The following CSMD1 variants were observed in gnomAD, a reference collection of about 807,000 sequenced individuals.
CSMD1 encodes the protein CUB and Sushi multiple domains 1, also known as CUB and sushi domain-containing protein 1.
CSMD1 carries 213 observed loss-of-function variants against 417.5 expected under a neutral mutation model. The observed-to-expected ratio is 0.51, with a 90% CI of 0.46 to 0.57. The LOEUF is 0.57. CSMD1 is among the 20% of genes least tolerant of loss of function. The pLI is 0.00. For synonymous variants in CSMD1, 2,862 were observed against 1,736.8 expected (o/e 1.65, Z -16.11); for missense variants, 6,923 against 4,529.7 (o/e 1.53, Z -15.17).
intron 8 of CSMD1, among the ~76,000 whole-genome samples, chr8:3,592,459 C>T (rs555080186): frequency 6.6e-6 from 1 of 152,110 alleles, no homozygotes; most frequent in Admixed American, 6.5e-5. Context: ...TTGAGGAAAC[C>T]TTTTCTTCAG....
intron 7 of CSMD1, among the ~76,000 whole-genome samples, chr8:3,696,887 T>C (rs1011520075): frequency 6.6e-6 from 1 of 152,178 alleles, no homozygotes; most frequent in Non-Finnish European, 1.5e-5. Context: ...TGAACTCCCA[T>C]GAAAATAGAT....
At chr8:4,699,253 A>T (rs1245250130) in intron 1 of CSMD1, among the ~76,000 whole-genome samples, 1 of 152,204 alleles carries the variant, frequency 6.6e-6, no homozygotes, top group Non-Finnish European at 1.5e-5. Flanking sequence ...CAAAGAGTTT[A>T]TTCGCAATTA....
In CSMD1 at chr8:4,441,095, GTTTTTT is replaced by G. The variant is rs36000734; in HGVS notation, c.303-21036_303-21031del. The stretch of plus-strand genomic sequence containing the variant: ...AATAATTTGACTCGTTAATCAAAAG[GTTTTTT>G]TTTTTTTTTTTTTTTTTAAGAGATA... On this transcript the variant is annotated intron_variant, in intron 2 of 69. Transcript: ENST00000635120. 1.4e-4 allele frequency among the ~76,000 whole-genome samples: 7 copies of G among 51,318 alleles called. 1 individual carries two copies. Among genetic ancestry groups the G allele is most frequent in the South Asian group, 2.1e-3 (2 of 932 alleles). 33.7% of individuals were successfully genotyped at this position (51,318 alleles called of 152,430 possible). A position where few individuals can be genotyped will look rare whatever the true frequency, so the allele number is the denominator to read the frequency against.
chr8:3,271,312 T>C (rs1801835741), intron 26 of CSMD1, among the ~76,000 whole-genome samples: 1 of 152,058 alleles, frequency 6.6e-6, no homozygotes, highest in African/African-American at 2.4e-5. Flanking sequence ...CCACATTTTC[T>C]TAATCCAGTC....
intron 3 of CSMD1, among the ~76,000 whole-genome samples, chr8:4,056,036 T>G (rs1043965250): frequency 6.6e-6 from 1 of 151,504 alleles, no homozygotes; most frequent in Non-Finnish European, 1.5e-5. Context: ...CCTGGGAAAA[T>G]TGAACTCAAC....
intron 3 of CSMD1, among the ~76,000 whole-genome samples, chr8:4,141,946 T>A (rs746698344): frequency 9.3e-5 from 14 of 151,194 alleles, no homozygotes; most frequent in Non-Finnish European, 1.8e-4. Context: ...CAAAATAACA[T>A]CATGGTGTTA....
At chr8:3,614,021 A>C (rs1584962568) in intron 8 of CSMD1, among the ~76,000 whole-genome samples, 1 of 151,910 alleles carries the variant, frequency 6.6e-6, no homozygotes, top group Non-Finnish European at 1.5e-5. Context: ...AAGTTCTAGG[A>C]AATCTATCAA....
At chr8:3,208,410 G>A (rs1368758742) in intron 30 of CSMD1, among the ~76,000 whole-genome samples, 2 of 152,046 alleles carry the variant, frequency 1.3e-5, no homozygotes, top group Non-Finnish European at 2.9e-5. Context: ...GGGACTACAG[G>A]TGCACACCAC....
chr8:4,404,827 C>T (rs1410398618), intron 3 of CSMD1, among the ~76,000 whole-genome samples: 3 of 152,084 alleles, frequency 2.0e-5, no homozygotes, highest in African/African-American at 7.2e-5. Context: ...GTAAGTGAGG[C>T]AATAACAACA....
chr8:4,503,640 G>A (rs1335014417), intron 2 of CSMD1, among the ~76,000 whole-genome samples: 1 of 152,004 alleles, frequency 6.6e-6, no homozygotes. Flanking sequence ...CTGCAACCGA[G>A]GCCCAACACA....
At chr8:4,064,030 G>A (rs1185517688) in intron 3 of CSMD1, among the ~76,000 whole-genome samples, 12 of 152,174 alleles carry the variant, frequency 7.9e-5, no homozygotes, top group Admixed American at 7.9e-4. Context: ...ATGCTCAACT[G>A]ACACCAGCTG....
intron 5 of CSMD1, among the ~76,000 whole-genome samples, chr8:3,968,355 GA>G (rs1812835401): frequency 6.6e-6 from 1 of 152,148 alleles, no homozygotes; most frequent in Non-Finnish European, 1.5e-5. Flanking sequence ...GATCCTACAA[GA>G]ATCCAACCTG....
At chr8:4,490,832 A>G (rs1801660618) in intron 2 of CSMD1, among the ~76,000 whole-genome samples, 1 of 152,242 alleles carries the variant, frequency 6.6e-6, no homozygotes, top group Non-Finnish European at 1.5e-5. Flanking sequence ...AAAGTCGGAA[A>G]CACATTATCC....
At chr8:3,141,272 C>G (rs1290552172) in intron 41 of CSMD1, among the ~76,000 whole-genome samples, 1 of 152,142 alleles carries the variant, frequency 6.6e-6, no homozygotes, top group South Asian at 2.1e-4. Flanking sequence ...CAAAATTATA[C>G]CTGAGGAAAT....
chr8:4,046,133 A>C lies in CSMD1; in HGVS notation c.416-14034T>G, dbSNP rs4875263. On this transcript the variant is annotated intron_variant, in intron 3 of 69. Transcript: ENST00000635120. ...TCTATAGCTCATATATATCTGATATATATGTATTATGTATCATAAATTTAT... is the reference window on the plus strand; with the variant it reads ...TCTATAGCTCATATATATCTGATATCTATGTATTATGTATCATAAATTTAT... 1.3e-5 allele frequency among the ~76,000 whole-genome samples: 2 copies of C among 151,880 alleles called. 1 individual carries two copies. The highest frequency in any genetic ancestry group is 1.3e-4 in the Admixed American group (2 of 15,258).
intron 18 of CSMD1, among the ~76,000 whole-genome samples, chr8:3,380,753 C>T (rs1443050578): frequency 6.6e-6 from 1 of 151,974 alleles, no homozygotes; most frequent in African/African-American, 2.4e-5. Context: ...GAATGCAGGG[C>T]TAGGGGAGGC....
chr8:4,482,335 A>T (rs920118716), intron 2 of CSMD1, among the ~76,000 whole-genome samples: 1 of 152,168 alleles, frequency 6.6e-6, no homozygotes, highest in Admixed American at 6.5e-5. Flanking sequence ...TATAAGTGAG[A>T]ACATGCGGTA....
rs149315573 is a variant in CSMD1 at position 4,899,681 on chromosome 8, T to A, written c.85+94651A>T. On this transcript the variant is annotated intron_variant, in intron 1 of 69. Transcript: ENST00000635120. ...AAGATGACCATGTCTTGAACAACTC[T>A]CATTAAAATGTGTATAGTTAAAAAT... 3.5e-4 allele frequency among the ~76,000 whole-genome samples: 53 copies of A among 152,316 alleles called. No homozygotes were observed. The East Asian group carries it at 8.9e-3, about 26-fold the overall frequency.
chr8:2,973,049 C>T, intron 57 of CSMD1, 68 bp downstream of exon 57: 1 of 1,475,060 alleles, frequency 6.8e-7, no homozygotes. Flanking sequence ...AGAATTTTGC[C>T]AGGCATTTTA....
Sources: allele counts gnomAD v4.1 joint callset (sites outside exome capture counted in the v4.1 genomes callset), GRCh38; gene constraint gnomAD v4.1.1; transcripts MANE v1.5; gene names NCBI Gene and HGNC (gene_info 2026-07-23, HGNC 2026-07-21).